The following PEAK1 variants were observed in gnomAD, a reference collection of about 807,000 sequenced individuals.
PEAK1 encodes pseudopodium enriched atypical kinase 1.
PEAK1 carries 54 observed loss-of-function variants against 124.7 expected under a neutral mutation model. That is an observed-to-expected ratio of 0.43 (90% CI 0.35 to 0.54). The LOEUF (loss-of-function observed/expected upper bound fraction) is 0.54, where lower values mean the gene tolerates loss of function less well. Ranked by LOEUF, PEAK1 falls within the 20% of genes least tolerant of loss-of-function variation. PEAK1 has a pLI of 0.01. For missense variants in PEAK1, 2,046 were observed against 2,134.5 expected, an observed-to-expected ratio of 0.96 and a Z score of 0.82; for synonymous variants, 719 against 760.0, an observed-to-expected ratio of 0.95 and a Z score of 0.89.
chr15:77,391,848 CAG>C (rs1567343770), intron 1 of PEAK1, among the ~76,000 whole-genome samples: 1 of 152,146 alleles, frequency 6.6e-6, no homozygotes, highest in African/African-American at 2.4e-5. Flanking sequence ...ACAAATTAAA[CAG>C]GGGAGAAGAG....
chr15:77,419,472 C>G lies in PEAK1; in HGVS notation c.-666+534G>C, dbSNP rs1231435885. ...CACACGTTCGCGGGCTCCCCAGCCG[C>G]GGCGCGAAGGGAGCAGGCAGGGAGC... is the stretch of plus-strand genomic sequence containing the variant. On this transcript the variant is annotated intron_variant, in intron 1 of 9. Transcript: ENST00000682557. 16 of 985,258 alleles carry G rather than the reference C, an allele frequency of 1.6e-5. No homozygotes were observed. In the Admixed American group the frequency reaches 8.0e-4, roughly 49 times the overall value. The allele number at this position is 985,258 out of a possible 1,614,324, so 61.0% of individuals were successfully genotyped here.
chr15:77,114,659 C>G lies in PEAK1; in HGVS notation c.4738G>C (p.Glu1580Gln), dbSNP rs2051194032. 1.2e-6 allele frequency: 2 copies of G among 1,613,634 alleles called. No individual in the cohort carries two copies. Among genetic ancestry groups the G allele is most frequent in the Non-Finnish European group, 1.7e-6 (2 of 1,179,972 alleles). The change falls in exon 10 of 10, where the codon GAG becomes CAG. Residue 1580 changes from glutamate to glutamine, a missense_variant. Coordinates refer to ENST00000682557, the MANE Select transcript of PEAK1 (RefSeq NM_001385026.1). ...ILRDQSRLAPEIITATQYKKC... is the reference protein window; with the variant it reads ...ILRDQSRLAPQIITATQYKKC... ...TTATACTGGGTAGCTGTTATGATCTCTGGGGCAAGGCGAGACTGGTCCCGG... is the reference window on the plus strand; with the variant it reads ...TTATACTGGGTAGCTGTTATGATCTGTGGGGCAAGGCGAGACTGGTCCCGG...
intron 7 of PEAK1, among the ~76,000 whole-genome samples, chr15:77,163,281 T>C (rs887925961): frequency 3.3e-5 from 5 of 152,244 alleles, no homozygotes; most frequent in Non-Finnish European, 7.3e-5. Context: ...AACCATGTCA[T>C]AATCTCCACA....
intron 6 of PEAK1, among the ~76,000 whole-genome samples, chr15:77,238,578 T>C (rs925539947): frequency 6.6e-6 from 1 of 152,226 alleles, no homozygotes. Flanking sequence ...TCAAATATTT[T>C]GTGATTCTGG....
chr15:77,311,769 T>TG lies in PEAK1; in HGVS notation c.-602-25266dup, dbSNP rs541122457. On this transcript the variant is annotated intron_variant, in intron 2 of 9. Transcript: ENST00000682557. ...GGAATGAGATAAGGTGTGCGTCTGG[T>TG]GGGGGGCACTGTGTAATGAGGACAG... 3.3e-4 allele frequency among the ~76,000 whole-genome samples: 48 copies of TG among 143,334 alleles called. No individual in the cohort carries two copies. The East Asian group carries it at 9.5e-3, about 28-fold the overall frequency. 94.0% of individuals were successfully genotyped at this position (143,334 alleles called of 152,430 possible).
chr15:77,345,782 G>A (rs1030949285), intron 2 of PEAK1: 2 of 432,408 alleles, frequency 4.6e-6, no homozygotes, highest in African/African-American at 4.3e-5. Flanking sequence ...TGTTTGAGGT[G>A]ATGGATATCC....
At chr15:77,301,394 C>G (rs1332456973) in intron 2 of PEAK1, among the ~76,000 whole-genome samples, 2 of 152,178 alleles carry the variant, frequency 1.3e-5, no homozygotes, top group African/African-American at 4.8e-5. Flanking sequence ...GTAAAGACAT[C>G]TGCAGAGGCA....
At chr15:77,335,140 A>G in intron 2 of PEAK1, 2 of 985,444 alleles carry the variant, frequency 2.0e-6, no homozygotes, top group Non-Finnish European at 2.4e-6. Flanking sequence ...CAAGAGAGGG[A>G]TTTAAACACT....
chr15:77,332,907 T>C (rs1597334135), intron 2 of PEAK1: 4 of 229,250 alleles, frequency 1.7e-5, no homozygotes, highest in Admixed American at 6.5e-5. Flanking sequence ...ACTAATGAGA[T>C]TGATGATGCT....
upstream of PEAK1, chr15:77,420,908 G>A (rs1370134728): frequency 1.5e-5 from 6 of 398,666 alleles, no homozygotes; most frequent in Non-Finnish European, 2.7e-5. Flanking sequence ...CGACGAGTGC[G>A]TGAAGTGAAG....
chr15:77,237,385 TTTG>T lies in PEAK1; in HGVS notation c.-115+14979_-115+14981del, dbSNP rs201107892. On this transcript the variant is annotated intron_variant, in intron 6 of 9. Transcript: ENST00000682557. ...CTTGGCATCATACATTTCTAAAATG[TTTG>T]TTATTTCCCATTTTTACTTTATTTT... Among the ~76,000 whole-genome samples, 585 of 152,126 alleles carry T rather than the reference TTTG, an allele frequency of 3.8e-3. 2 individuals are homozygous for T. Among genetic ancestry groups the T allele is most frequent in the African/African-American group, 0.011 (476 of 41,556 alleles).
At chr15:77,152,037 A>G (rs1366152558) in intron 8 of PEAK1, among the ~76,000 whole-genome samples, 3 of 152,224 alleles carry the variant, frequency 2.0e-5, no homozygotes, top group African/African-American at 7.2e-5. Context: ...AGTCACTGGT[A>G]GCATGATAGG....
chr15:77,335,077 A>T (rs1012287346), intron 2 of PEAK1: 2 of 985,322 alleles, frequency 2.0e-6, no homozygotes, highest in Admixed American at 6.1e-5. Context: ...GAGGTGCTAT[A>T]AGCAAACTCT....
At chr15:77,292,013 G>T (rs2063243020) in intron 2 of PEAK1, among the ~76,000 whole-genome samples, 1 of 151,172 alleles carries the variant, frequency 6.6e-6, no homozygotes, top group Non-Finnish European at 1.5e-5. Flanking sequence ...TATTTCTTGT[G>T]ATCACAATTT....
chr15:77,319,543 A>T (rs2065070434), intron 2 of PEAK1, among the ~76,000 whole-genome samples: 1 of 152,210 alleles, frequency 6.6e-6, no homozygotes, highest in Non-Finnish European at 1.5e-5. Flanking sequence ...GTAGCTTGTG[A>T]TGATAATGGA....
At chr15:77,145,699 T>C (rs2054130323) in intron 8 of PEAK1, among the ~76,000 whole-genome samples, 1 of 152,146 alleles carries the variant, frequency 6.6e-6, no homozygotes. Flanking sequence ...AATTCTTCAG[T>C]GGCTCTCCAT....
At chr15:77,143,366 C>T (rs746914515) in intron 8 of PEAK1, among the ~76,000 whole-genome samples, 1 of 152,098 alleles carries the variant, frequency 6.6e-6, no homozygotes, top group Non-Finnish European at 1.5e-5. Context: ...ATTGCTGTCT[C>T]CAGTTTTACC....
chr15:77,187,462 C>T (rs1467654060), intron 6 of PEAK1, among the ~76,000 whole-genome samples: 4 of 152,028 alleles, frequency 2.6e-5, no homozygotes, highest in African/African-American at 9.7e-5. Flanking sequence ...CAAACAAATC[C>T]ACAATGGATT....
chr15:77,179,536 A>T lies in PEAK1; in HGVS notation c.2391T>A (p.Tyr797Ter), dbSNP rs1281039704. The T allele has an allele frequency of 3.7e-6, 6 of 1,614,032 alleles. No individual in the cohort carries two copies. The change falls in exon 7 of 10, where the codon TAT becomes TAA. Residue 797 changes from tyrosine (Y) to a stop codon, truncating the protein, a stop_gained. Transcript: ENST00000682557. LOFTEE classifies it high-confidence loss of function. ...CAACATCAGCATCTGGAGGAATGGCATAAAGCTCTTCCACACTGCAAGCTT... is the reference window on the plus strand; with the variant it reads ...CAACATCAGCATCTGGAGGAATGGCTTAAAGCTCTTCCACACTGCAAGCTT... ...GPKACSVEEL[Y>*]AIPPDADVAK...
Sources: allele counts gnomAD v4.1 joint callset (sites outside exome capture counted in the v4.1 genomes callset), GRCh38; gene constraint gnomAD v4.1.1; transcripts MANE v1.5; gene names NCBI Gene and HGNC (gene_info 2026-07-23, HGNC 2026-07-21).